Variants in PKD1L3 observed in about 807,000 individuals in gnomAD.
The protein encoded by PKD1L3 is polycystin 1 like 3, transient receptor potential channel interacting.
Under a neutral mutation model 184.1 loss-of-function variants are expected in PKD1L3, and 239 were observed. The ratio of observed to expected loss-of-function variants is 1.30; its 90% CI spans 1.17 to 1.45. The LOEUF (loss-of-function observed/expected upper bound fraction) is 1.45. Ranked by LOEUF, PKD1L3 falls within the 40% of genes most tolerant of loss-of-function variation. The pLI, the probability that PKD1L3 is intolerant of heterozygous loss-of-function variation, is 0.00. For synonymous variants in PKD1L3, 996 were observed against 778.8 expected (o/e 1.28, Z -4.64); for missense variants, 2,660 against 2,067.2 (o/e 1.29, Z -5.56).
Position 71,930,093 on chromosome 16 carries a change from C to T in PKD1L3, c.5017G>A (p.Ala1673Thr). 6.4e-7 allele frequency: 1 copy of T among 1,551,392 alleles called. No individual in the cohort carries two copies. The highest frequency in any genetic ancestry group is 8.7e-7 in the Non-Finnish European group (1 of 1,146,836). Residue 1673 changes from alanine to threonine, a missense_variant, in exon 29 of 30, where the codon GCC becomes ACC. Ala to Thr is a moderately conservative substitution (Grantham distance 58). Coordinates refer to ENST00000620267, the MANE Select transcript of PKD1L3 (RefSeq NM_181536.2). Reference protein sequence around the residue: ...VLVVINLFVSAILMAFGKERK... With the variant: ...VLVVINLFVSTILMAFGKERK... Reference sequence around the variant, plus strand: ...TCTTTTCCAAAGGCCATGAGAATGGCCGAAACGAAAAGATTAATTACCACA... The same window carrying T: ...TCTTTTCCAAAGGCCATGAGAATGGTCGAAACGAAAAGATTAATTACCACA...
intron 19 of PKD1L3, 37 bp from the exon 20 acceptor site, chr16:71,950,347 G>C (rs1192557028): frequency 6.8e-7 from 1 of 1,471,456 alleles, no homozygotes; most frequent in Non-Finnish European, 9.1e-7. Context: ...TTCACAAGTG[G>C]ATTTCAATAA....
rs1302587503 is a variant in PKD1L3 at position 71,984,098 on chromosome 16, C to T, written c.904G>A (p.Glu302Lys). The T allele has an allele frequency of 1.7e-5, 27 of 1,552,036 alleles. No homozygotes were observed. The highest frequency in any genetic ancestry group is 1.1e-4 in the South Asian group (9 of 84,066). ...HGLQALNKLQEACEFLQKLTA... is the reference protein window; with the variant it reads ...HGLQALNKLQKACEFLQKLTA... ...AGTTTCTGGAGGAACTCACAAGCTT[C>T]CTGTAGTTTGTTAAGAGCTTGCAAA... Residue 302 changes from glutamate (E) to lysine (K), a missense_variant, in exon 6 of 30, where the codon GAA (glutamate) becomes AAA (lysine). Coordinates refer to ENST00000620267, the MANE Select transcript of PKD1L3 (RefSeq NM_181536.2).
chr16:71,930,050 A>G lies in PKD1L3; in HGVS notation c.5058+2T>C. On this transcript the variant is annotated splice_donor_variant, in intron 29 of 29. Transcript: ENST00000620267. LOFTEE classifies it high-confidence loss of function. ...ATGCTAGTTTATCTTTTAGTTACCT[A>G]CCTTAAGCGACTTTCTTTCTTTTCC... The G allele has an allele frequency of 1.3e-6, 2 of 1,548,322 alleles. No homozygotes were observed. Among genetic ancestry groups the G allele is most frequent in the Non-Finnish European group, 1.7e-6 (2 of 1,145,820 alleles).
At chr16:71,931,461 C>A (rs547180296) in intron 28 of PKD1L3, among the ~76,000 whole-genome samples, 3 of 147,154 alleles carry the variant, frequency 2.0e-5, no homozygotes, top group South Asian at 2.3e-4. Flanking sequence ...TCTTCTCCCC[C>A]ACTTTTTTTT....
At chr16:71,934,330 C>CAG (rs2038099397) in intron 26 of PKD1L3, among the ~76,000 whole-genome samples, 1 of 152,138 alleles carries the variant, frequency 6.6e-6, no homozygotes, top group Non-Finnish European at 1.5e-5. Flanking sequence ...AGTGATCTAC[C>CAG]TGCTGCAGAT....
intron 24 of PKD1L3, among the ~76,000 whole-genome samples, chr16:71,939,701 A>G (rs1238582152): frequency 6.6e-6 from 1 of 152,148 alleles, no homozygotes; most frequent in Non-Finnish European, 1.5e-5. Flanking sequence ...AGAATTCTTG[A>G]TTAGGAGAAA....
chr16:71,970,016 G>T lies in PKD1L3; in HGVS notation c.2043C>A (p.Thr681=), dbSNP rs907682263. The T allele has an allele frequency of 2.6e-6, 4 of 1,551,644 alleles. No homozygotes were observed. In the South Asian group the frequency reaches 4.8e-5, roughly 18 times the overall value. Residue 681 remains threonine (T), a synonymous_variant, in exon 13 of 30, where the codon ACC becomes ACA. Coordinates refer to ENST00000620267, the MANE Select transcript of PKD1L3 (RefSeq NM_181536.2). Reference sequence around the variant, plus strand: ...GTTTGATCGTGTCTTCAACATTCACGGTCCTGGGCACGACAAAGAAGTCGC... The same window carrying T: ...GTTTGATCGTGTCTTCAACATTCACTGTCCTGGGCACGACAAAGAAGTCGC... ...FASDFFVVPR[T]VNVEDTIKLF...
At chr16:71,944,979 T>C (rs2038510302) in intron 22 of PKD1L3, among the ~76,000 whole-genome samples, 1 of 151,154 alleles carries the variant, frequency 6.6e-6, no homozygotes, top group Admixed American at 6.6e-5. Flanking sequence ...TTAAAACATA[T>C]ATTAAAAAAA....
rs2040915783 is a variant in PKD1L3, at chr16:72,000,036, A to AAT, written c.-60_-59dup. On this transcript the variant is annotated 5_prime_UTR_variant, in exon 1 of 30. Coordinates refer to ENST00000620267, the MANE Select transcript of PKD1L3 (RefSeq NM_181536.2). ...GGTTTAGCAGCTGCCTGGTCCTTTAAATATATATATTGGCGGGCTTGTCTT... is the reference window on the plus strand; with the variant it reads ...GGTTTAGCAGCTGCCTGGTCCTTTAAATATATATATATTGGCGGGCTTGTCTT... The AAT allele has an allele frequency of 4.2e-5, 54 of 1,292,990 alleles. No homozygotes were observed. Among genetic ancestry groups the AAT allele is most frequent in the Middle Eastern group, 2.6e-4 (1 of 3,886 alleles). The allele number at this position is 1,292,990 out of a possible 1,614,324, so 80.1% of individuals were successfully genotyped here.
At chr16:71,960,726 ATGAG>A (rs2039245341) in intron 16 of PKD1L3, among the ~76,000 whole-genome samples, 1 of 152,198 alleles carries the variant, frequency 6.6e-6, no homozygotes, top group African/African-American at 2.4e-5. Context: ...TGCAACAAAA[ATGAG>A]TATGTTTGAA....
At chr16:71,944,240 GCAT>G in intron 22 of PKD1L3, 70 bp from the exon 23 acceptor site, 1 of 1,382,276 alleles carries the variant, frequency 7.2e-7, no homozygotes, top group Non-Finnish European at 1.0e-6. Context: ...CATTCATTGA[GCAT>G]CTACTGTGAG....
At chr16:71,940,194 T>C (rs2038313505) in intron 24 of PKD1L3, among the ~76,000 whole-genome samples, 1 of 152,126 alleles carries the variant, frequency 6.6e-6, no homozygotes, top group African/African-American at 2.4e-5. Flanking sequence ...CTACCTATCT[T>C]GCCTTCTACC....
intron 22 of PKD1L3, among the ~76,000 whole-genome samples, chr16:71,944,700 T>C (rs1164560190): frequency 5.8e-5 from 4 of 68,766 alleles, no homozygotes; most frequent in South Asian, 8.6e-4. Context: ...ATCTGTTTTT[T>C]GTTTGTTTTT....
In PKD1L3 at chr16:71,990,335, G is replaced by A. The variant is rs1160743913; in HGVS notation, c.536-6C>T. On this transcript the variant is annotated splice_region_variant and splice_polypyrimidine_tract_variant and intron_variant, in intron 3 of 29. Transcript: ENST00000620267. ...GGTTGGAAGATGACCAGGTCCTATA[G>A]AAAAAAGAAAGCAGACTAAGTTCAA... is the stretch of plus-strand genomic sequence containing the variant. 1.3e-6 allele frequency: 2 copies of A among 1,544,548 alleles called. No homozygotes were observed. The highest frequency in any genetic ancestry group is 4.9e-5 in the East Asian group (2 of 40,786).
chr16:71,994,307 C>G (rs1026711857), intron 2 of PKD1L3, among the ~76,000 whole-genome samples: 1 of 152,154 alleles, frequency 6.6e-6, no homozygotes, highest in Admixed American at 6.5e-5. Context: ...GGGAGCCTCC[C>G]TCAGTCTCAT....
At chr16:71,932,238 A>G (rs997310825) in intron 28 of PKD1L3, among the ~76,000 whole-genome samples, 3 of 152,192 alleles carry the variant, frequency 2.0e-5, no homozygotes, top group Non-Finnish European at 4.4e-5. Context: ...TGCCAGTTTC[A>G]CTGCTTAAAT....
Position 71,986,399 on chromosome 16 carries a change from G to A in PKD1L3, c.656C>T (p.Ser219Leu), listed in dbSNP as rs377673240. 2.4e-5 allele frequency: 37 copies of A among 1,551,840 alleles called. No homozygotes were observed. In the African/African-American group the frequency reaches 3.0e-4, roughly 13 times the overall value. The change falls in exon 5 of 30, where the codon TCA becomes TTA. Residue 219 changes from serine (S) to leucine (L), a missense_variant. Transcript: ENST00000620267. ...VLSSITSQVT[S>L]AASEPSSQPL... ...CTGGCTGCTGGGTTCAGATGCGGCT[G>A]ATGTTACCTGTGATGTGATACTTGA... is the stretch of plus-strand genomic sequence containing the variant.
intron 2 of PKD1L3, among the ~76,000 whole-genome samples, chr16:71,996,582 G>A (rs982227203): frequency 1.3e-5 from 2 of 151,938 alleles, no homozygotes; most frequent in African/African-American, 2.4e-5. Flanking sequence ...TTATAGCGAC[G>A]CCTACTTCCT....
intron 9 of PKD1L3, 112 bp from the exon 10 acceptor site, chr16:71,978,495 G>GTGTA (rs1467316917): frequency 6.9e-6 from 1 of 144,462 alleles, no homozygotes; most frequent in African/African-American, 3.8e-5. Context: ...GTGTGTGTGT[G>GTGTA]TATATATATA....
Sources: gnomAD v4.1 joint callset for allele counts (sites outside exome capture counted in the v4.1 genomes callset) on GRCh38, gnomAD v4.1.1 for gene constraint, MANE v1.5 for transcripts, NCBI Gene and HGNC (gene_info 2026-07-23, HGNC 2026-07-21) for gene names.